The following TTBK2 variants were observed in gnomAD, a reference collection of about 807,000 sequenced individuals.
TTBK2 encodes tau-tubulin kinase 2.
TTBK2 carries 28 observed loss-of-function variants against 110.8 expected under a neutral mutation model. The ratio of observed to expected loss-of-function variants is 0.25; its 90% CI spans 0.19 to 0.35. The LOEUF (loss-of-function observed/expected upper bound fraction) is 0.35, where lower values mean the gene tolerates loss of function less well. Among genes scored for constraint, TTBK2 ranks in the 10% least tolerant of loss-of-function variants. TTBK2 has a pLI of 1.00. For missense variants in TTBK2, 1,369 were observed against 1,500.3 expected, an observed-to-expected ratio of 0.91 and a Z score of 1.45; for synonymous variants, 532 against 527.3, an observed-to-expected ratio of 1.01 and a Z score of -0.12.
intron 6 of TTBK2, among the ~76,000 whole-genome samples, chr15:42,818,470 A>T (rs746803175): frequency 1.3e-5 from 2 of 152,166 alleles, no homozygotes; most frequent in Non-Finnish European, 2.9e-5. Context: ...CTGTAATCCC[A>T]GCACTTTGGG....
intron 7 of TTBK2, 27 bp downstream of exon 7, chr15:42,817,005 A>G: frequency 6.4e-7 from 1 of 1,562,932 alleles, no homozygotes; most frequent in Middle Eastern, 1.7e-4. Flanking sequence ...ATACTTATAC[A>G]GATATGACTC....
At position 42,775,502 on chromosome 15, in the gene TTBK2, T is replaced by C. The variant is rs754164056; in HGVS notation, c.1631A>G (p.Lys544Arg). The change falls in exon 13 of 15, where the codon AAG becomes AGG. Residue 544 changes from lysine to arginine, a missense_variant. Physicochemically the swap from Lys to Arg is conservative, Grantham distance 26 (BLOSUM62 2). This residue lies in a region of TTBK2 where 1,097 missense variants were observed against 1,114.7 expected (regional missense o/e 0.98). Coordinates refer to ENST00000267890, the MANE Select transcript of TTBK2 (RefSeq NM_173500.4). Reference protein sequence around the residue: ...GFIAVNLSSCKQEIDSKEWVI... With the variant: ...GFIAVNLSSCRQEIDSKEWVI... Reference sequence around the variant, plus strand: ...CCATTCTTTGGAATCAATTTCTTGCTTGCAAGAGCTCAGGTTAACAGCTAT... The same window carrying C: ...CCATTCTTTGGAATCAATTTCTTGCCTGCAAGAGCTCAGGTTAACAGCTAT... The C allele has an allele frequency of 6.2e-7, 1 of 1,614,246 alleles. No individual in the cohort carries two copies. The highest frequency in any genetic ancestry group is 8.5e-7 in the Non-Finnish European group (1 of 1,180,036).
At chr15:42,899,251 G>A (rs1481984418) in intron 1 of TTBK2, among the ~76,000 whole-genome samples, 1 of 151,882 alleles carries the variant, frequency 6.6e-6, no homozygotes, top group Non-Finnish European at 1.5e-5. Flanking sequence ...GCCTGCCTCA[G>A]ACTCCCAAAG....
At position 42,746,216 on chromosome 15, in the gene TTBK2, G is replaced by A; in HGVS notation, c.3314C>T (p.Ser1105Leu). ...YKVLGSSNSD[S>L]DLFSRLAQIL... The stretch of plus-strand genomic sequence containing the variant: ...TTGGGCCAGGCGGGAGAAAAGGTCT[G>A]AGTCGGAGTTACTACTCCCTAGGAC... Residue 1105 changes from serine to leucine, a missense_variant, in exon 15 of 15, where the codon TCA (serine) becomes TTA (leucine). Ser to Leu is a moderately radical substitution (Grantham distance 145). This residue lies in a region of TTBK2 where 1,097 missense variants were observed against 1,114.7 expected (regional missense o/e 0.98). Transcript: ENST00000267890. 6.2e-7 allele frequency: 1 copy of A among 1,614,130 alleles called. No individual in the cohort carries two copies. The highest frequency in any genetic ancestry group is 1.1e-5 in the South Asian group (1 of 91,062).
intron 3 of TTBK2, among the ~76,000 whole-genome samples, chr15:42,872,347 T>A (rs1189443199): frequency 6.6e-6 from 1 of 152,110 alleles, no homozygotes; most frequent in Non-Finnish European, 1.5e-5. Context: ...TCCGAAGCAG[T>A]AAAAATTCTG....
At chr15:42,893,324 T>A (rs1293195202) in intron 1 of TTBK2, among the ~76,000 whole-genome samples, 1 of 151,966 alleles carries the variant, frequency 6.6e-6, no homozygotes, top group Non-Finnish European at 1.5e-5. Flanking sequence ...CAAGACCCTG[T>A]TACTACAAAA....
chr15:42,804,008 CAAAAAAAAAAAAA>C (rs781131720), intron 9 of TTBK2, among the ~76,000 whole-genome samples: 10 of 51,066 alleles, frequency 2.0e-4, no homozygotes, highest in Non-Finnish European at 4.3e-4. Flanking sequence ...GCGAGGAGTG[CAAAAAAAAAAAAA>C]AAAAAAAAAA....
At chr15:42,774,856 C>A (rs767502123) in intron 13 of TTBK2, among the ~76,000 whole-genome samples, 25 of 152,284 alleles carry the variant, frequency 1.6e-4, no homozygotes, top group African/African-American at 6.0e-4. Flanking sequence ...TATAAACACA[C>A]ATAGATAGCT....
At chr15:42,776,020 T>C (rs1388681464) in intron 12 of TTBK2, among the ~76,000 whole-genome samples, 2 of 152,240 alleles carry the variant, frequency 1.3e-5, no homozygotes, top group African/African-American at 4.8e-5. Context: ...ATTCTCAATA[T>C]GAGCCACAAC....
intron 1 of TTBK2, among the ~76,000 whole-genome samples, chr15:42,912,192 A>T (rs749920956): frequency 6.6e-6 from 1 of 152,194 alleles, no homozygotes; most frequent in Non-Finnish European, 1.5e-5. Flanking sequence ...AAGAGGACAG[A>T]CATCATTCTG....
chr15:42,801,039 C>G, intron 9 of TTBK2: 1 of 766,578 alleles, frequency 1.3e-6, no homozygotes. Context: ...GACCACGGCC[C>G]TGGAGGAGCT....
At chr15:42,794,051 CT>C (rs766926992) in intron 10 of TTBK2, among the ~76,000 whole-genome samples, 158 of 135,020 alleles carry the variant, frequency 1.2e-3, no homozygotes, top group Middle Eastern at 3.7e-3. Flanking sequence ...GGGTATTTAC[CT>C]TTTTTTTTTT....
In TTBK2 at chr15:42,745,850, G is replaced by A. The variant is rs749447430; in HGVS notation, c.3680C>T (p.Ala1227Val). Residue 1227 changes from alanine to valine, a missense_variant, in exon 15 of 15, where the codon GCC (alanine) becomes GTC (valine). Ala to Val is a moderately conservative substitution (Grantham distance 64). Around this residue, in one of 4 missense-constraint regions of TTBK2, gnomAD observed 1,097 missense variants for 1,114.7 expected, o/e 0.98. Coordinates refer to ENST00000267890, the MANE Select transcript of TTBK2 (RefSeq NM_173500.4). ...KGSGSLHHHS[A>V]STKTPQGKSK... ...CTTCCCTTGGGGGGTTTTAGTGCTG[G>A]CTGAGTGGTGGTGGAGGCTGCCGGA... 6.2e-7 allele frequency: 1 copy of A among 1,614,178 alleles called. No homozygotes were observed. Among genetic ancestry groups the A allele is most frequent in the South Asian group, 1.1e-5 (1 of 91,090 alleles).
rs1163219724 is a variant in TTBK2 at position 42,742,953 on chromosome 15, AATAAAAAT to A, written c.*2834_*2841del. ...TCTCTGTATCATACTTTAAAACTAA[AATAAAAAT>A]CCCTGTGTCACAGGTGCTTGCTCAG... On this transcript the variant is annotated 3_prime_UTR_variant, in exon 15 of 15. Coordinates refer to ENST00000267890, the MANE Select transcript of TTBK2 (RefSeq NM_173500.4). 1 of 152,216 alleles carries A rather than the reference AATAAAAAT, an allele frequency of 6.6e-6. No homozygotes were observed. Among genetic ancestry groups the A allele is most frequent in the Non-Finnish European group, 1.5e-5 (1 of 68,040 alleles). The allele number at this position is 152,216 out of a possible 1,614,324, so 9.4% of individuals were successfully genotyped here.
intron 9 of TTBK2, among the ~76,000 whole-genome samples, chr15:42,802,701 G>C (rs990026165): frequency 1.3e-5 from 2 of 152,196 alleles, no homozygotes; most frequent in African/African-American, 4.8e-5. Context: ...GCATTTCATT[G>C]TGCAAGCATC....
intron 13 of TTBK2, among the ~76,000 whole-genome samples, chr15:42,765,046 T>C (rs992443849): frequency 1.3e-5 from 2 of 152,352 alleles, no homozygotes; most frequent in African/African-American, 4.8e-5. Context: ...AGGATCTGAC[T>C]GTTAGAAGGA....
intron 1 of TTBK2, among the ~76,000 whole-genome samples, chr15:42,880,264 A>C (rs1055781637): frequency 7.9e-5 from 12 of 152,200 alleles, no homozygotes; most frequent in African/African-American, 2.9e-4. Flanking sequence ...ACCAGTCAGC[A>C]ACAGCCACAA....
chr15:42,771,928 G>A (rs963689862), intron 13 of TTBK2, among the ~76,000 whole-genome samples: 1 of 152,084 alleles, frequency 6.6e-6, no homozygotes, highest in Non-Finnish European at 1.5e-5. Flanking sequence ...AGTGCCCTCG[G>A]TACGAAAAGA....
At chr15:42,771,484 G>A (rs1321462519) in intron 13 of TTBK2, among the ~76,000 whole-genome samples, 1 of 152,056 alleles carries the variant, frequency 6.6e-6, no homozygotes, top group Non-Finnish European at 1.5e-5. Flanking sequence ...TGACAGGTTG[G>A]TGCCAACTTG....
Sources: allele counts gnomAD v4.1 joint callset (sites outside exome capture counted in the v4.1 genomes callset), GRCh38; gene constraint gnomAD v4.1.1; regional missense constraint gnomAD v4.1.1; transcripts MANE v1.5; gene names NCBI Gene and HGNC (gene_info 2026-07-23, HGNC 2026-07-21).